ME3: variants seen among roughly 807,000 people sequenced by gnomAD.
ME3 encodes NADP-dependent malic enzyme, mitochondrial.
Under a neutral mutation model 68.9 loss-of-function variants are expected in ME3, and 48 were observed. That is an observed-to-expected ratio of 0.70 (90% CI 0.55 to 0.89). The LOEUF (loss-of-function observed/expected upper bound fraction) is 0.89, where lower values mean the gene tolerates loss of function less well. Among genes scored for constraint, ME3 ranks in the 40% least tolerant of loss-of-function variants. ME3 has a pLI of 0.00. For synonymous variants in ME3, 320 were observed against 318.8 expected, an observed-to-expected ratio of 1.00 and a Z score of -0.04; for missense variants, 675 against 797.4, an observed-to-expected ratio of 0.85 and a Z score of 1.85.
chr11:86,627,350 T>A (rs1468896094), intron 2 of ME3, among the ~76,000 whole-genome samples: 2 of 152,232 alleles, frequency 1.3e-5, no homozygotes, highest in Non-Finnish European at 1.5e-5. Flanking sequence ...ATCTCCTTTC[T>A]GTACCATGGG....
chr11:86,553,173 G>A lies in ME3; in HGVS notation c.467+3380C>T, dbSNP rs534768817. 8.5e-5 allele frequency among the ~76,000 whole-genome samples: 13 copies of A among 152,340 alleles called. No individual in the cohort carries two copies. The East Asian group carries it at 2.3e-3, about 27-fold the overall frequency. On this transcript the variant is annotated intron_variant, in intron 4 of 14. Transcript: ENST00000543262. ...GCTCCACCAGAGCCCAGAACCTTCTGTGGTGCCTATCTGCCCAGAGACACT... is the reference window on the plus strand; with the variant it reads ...GCTCCACCAGAGCCCAGAACCTTCTATGGTGCCTATCTGCCCAGAGACACT...
chr11:86,438,731 G>A (rs987286238), downstream of ME3, among the ~76,000 whole-genome samples: 13 of 152,066 alleles, frequency 8.5e-5, no homozygotes, highest in African/African-American at 3.1e-4. Context: ...TAAGGAGGAA[G>A]TTTAAATTAT....
At chr11:86,490,282 G>A (rs1951920153) in intron 6 of ME3, among the ~76,000 whole-genome samples, 1 of 152,100 alleles carries the variant, frequency 6.6e-6, no homozygotes, top group Admixed American at 6.6e-5. Flanking sequence ...AAAGATGGTG[G>A]GTCCTGGCCT....
chr11:86,671,993 T>C (rs1309934205), intron 1 of ME3, 35 bp from the exon 2 acceptor site: 2 of 1,354,442 alleles, frequency 1.5e-6, no homozygotes, highest in Non-Finnish European at 1.9e-6. Context: ...CAGGGCCTCC[T>C]TCCAGCCAGC....
intron 4 of ME3, among the ~76,000 whole-genome samples, chr11:86,543,732 A>G (rs1956191294): frequency 6.6e-6 from 1 of 152,220 alleles, no homozygotes; most frequent in Admixed American, 6.5e-5. Flanking sequence ...TACTGTCAGC[A>G]TTAGACAGAT....
intron 7 of ME3, among the ~76,000 whole-genome samples, chr11:86,470,301 C>G (rs1270626795): frequency 1.3e-5 from 2 of 152,098 alleles, no homozygotes; most frequent in African/African-American, 4.8e-5. Context: ...TTCCCCTCCC[C>G]CCAGAAAAAA....
At chr11:86,505,290 G>A (rs1952997779) in intron 5 of ME3, among the ~76,000 whole-genome samples, 1 of 152,044 alleles carries the variant, frequency 6.6e-6, no homozygotes, top group Non-Finnish European at 1.5e-5. Context: ...AAAAAGGCCA[G>A]TGGGTAGGGC....
intron 4 of ME3, among the ~76,000 whole-genome samples, chr11:86,520,087 G>A (rs529320392): frequency 5.3e-5 from 8 of 152,250 alleles, no homozygotes; most frequent in African/African-American, 1.2e-4. Context: ...TATCCTGTTC[G>A]CCTCTGAGGT....
At chr11:86,530,061 A>C (rs922289174) in intron 4 of ME3, among the ~76,000 whole-genome samples, 1 of 152,332 alleles carries the variant, frequency 6.6e-6, no homozygotes, top group South Asian at 2.1e-4. Context: ...GAGGACGTCA[A>C]ATTGTCCCCG....
intron 5 of ME3, among the ~76,000 whole-genome samples, chr11:86,505,695 C>T (rs929678631): frequency 2.0e-5 from 3 of 152,204 alleles, no homozygotes; most frequent in African/African-American, 4.8e-5. Flanking sequence ...AGTTAATCCT[C>T]ACAATAGGAA....
At chr11:86,489,611 G>A (rs1951878940) in intron 6 of ME3, among the ~76,000 whole-genome samples, 1 of 152,162 alleles carries the variant, frequency 6.6e-6, no homozygotes, top group African/African-American at 2.4e-5. Context: ...CTTAATGACT[G>A]AGCATGGAGG....
rs566535127 is a variant in ME3, at chr11:86,653,143, A to G, written c.183+18619T>C. 4.8e-3 allele frequency among the ~76,000 whole-genome samples: 732 copies of G among 152,226 alleles called. 11 individuals are homozygous for G. The highest frequency in any genetic ancestry group is 0.017 in the African/African-American group (707 of 41,548). On this transcript the variant is annotated intron_variant, in intron 2 of 14. Coordinates refer to ENST00000543262, the Ensembl canonical transcript of ME3. ...AGACTTAGACTCCCACACAATAATAATGGGAGACTTTAACACCCCACTGTC... is the reference window on the plus strand; with the variant it reads ...AGACTTAGACTCCCACACAATAATAGTGGGAGACTTTAACACCCCACTGTC...
intron 4 of ME3, among the ~76,000 whole-genome samples, chr11:86,517,201 G>A (rs1953955707): frequency 6.6e-6 from 1 of 152,098 alleles, no homozygotes; most frequent in African/African-American, 2.4e-5. Context: ...CCGGTGACCT[G>A]CTTTGGCCAA....
intron 6 of ME3, among the ~76,000 whole-genome samples, chr11:86,495,377 T>G (rs1952256289): frequency 6.6e-6 from 1 of 152,226 alleles, no homozygotes. Flanking sequence ...AGCATATCAT[T>G]GCTGAGTGCT....
chr11:86,567,359 CTT>C (rs1482324017), intron 2 of ME3, among the ~76,000 whole-genome samples: 1 of 152,186 alleles, frequency 6.6e-6, no homozygotes, highest in Non-Finnish European at 1.5e-5. Flanking sequence ...ATCTGTAAAA[CTT>C]TGAATACTGG....
At chr11:86,436,494 T>A (rs989356319), downstream of ME3, 1 of 152,058 alleles carries the variant, frequency 6.6e-6, no homozygotes, top group African/African-American at 2.4e-5. Flanking sequence ...TGTTTCAAAG[T>A]GCAAAATTTT....
intron 4 of ME3, among the ~76,000 whole-genome samples, chr11:86,519,716 T>A (rs1565890996): frequency 6.6e-6 from 1 of 152,206 alleles, no homozygotes; most frequent in South Asian, 2.1e-4. Flanking sequence ...TAGAGCTCAG[T>A]AGCAGTCTCC....
rs558547915 is a variant in ME3 at position 86,568,929 on chromosome 11, G to T, written c.184-9106C>A. Reference sequence around the variant, plus strand: ...CTCAAGTGTCTACTAGAGGAGACATGTGGGTTAACATACAATACCAATCCT... The same window carrying T: ...CTCAAGTGTCTACTAGAGGAGACATTTGGGTTAACATACAATACCAATCCT... On this transcript the variant is annotated intron_variant, in intron 2 of 14. Coordinates refer to ENST00000543262, the Ensembl canonical transcript of ME3. 1.2e-4 allele frequency among the ~76,000 whole-genome samples: 19 copies of T among 152,368 alleles called. 2 individuals carry two copies. The East Asian group carries it at 3.7e-3, about 29-fold the overall frequency.
At chr11:86,446,857 T>C (rs1262794096) in intron 12 of ME3, 2 of 672,762 alleles carry the variant, frequency 3.0e-6, no homozygotes, top group African/African-American at 3.6e-5. Flanking sequence ...ATAGCACAAA[T>C]GTAAGAACTT....
Sources: gnomAD v4.1 joint callset for allele counts (sites outside exome capture counted in the v4.1 genomes callset) on GRCh38, gnomAD v4.1.1 for gene constraint, MANE v1.5 for transcripts, NCBI Gene and HGNC (gene_info 2026-07-23, HGNC 2026-07-21) for gene names.